The following SEPTIN11 variants were observed in gnomAD, a reference collection of about 807,000 sequenced individuals.
The protein encoded by SEPTIN11 is septin-11.
SEPTIN11 carries 25 observed loss-of-function variants against 51.4 expected under a neutral mutation model. The observed-to-expected ratio is 0.49, with a 90% CI of 0.35 to 0.68. The LOEUF (loss-of-function observed/expected upper bound fraction) is 0.68. SEPTIN11 is among the 30% of genes least tolerant of loss of function. The pLI is 0.00. For synonymous variants in SEPTIN11, 174 were observed against 184.1 expected (o/e 0.95, Z 0.44); for missense variants, 381 against 520.8 (o/e 0.73, Z 2.61).
chr4:77,012,666 G>A (rs1023782247), intron 4 of SEPTIN11, among the ~76,000 whole-genome samples: 7 of 152,210 alleles, frequency 4.6e-5, no homozygotes, highest in African/African-American at 1.7e-4. Context: ...TCTGCTGGGT[G>A]TTGTTACTAT....
At chr4:76,951,795 G>C (rs1721360146) in intron 1 of SEPTIN11, among the ~76,000 whole-genome samples, 3 of 152,166 alleles carry the variant, frequency 2.0e-5, no homozygotes, top group African/African-American at 7.2e-5. Flanking sequence ...TTAAGGTTTA[G>C]TTGTGTGGCC....
At chr4:76,971,724 T>C (rs1722252105) in intron 1 of SEPTIN11, among the ~76,000 whole-genome samples, 1 of 152,136 alleles carries the variant, frequency 6.6e-6, no homozygotes, top group South Asian at 2.1e-4. Flanking sequence ...GCCAAGACTT[T>C]ATGAGCTTCT....
chr4:76,952,240 G>A (rs1430498564), intron 1 of SEPTIN11, among the ~76,000 whole-genome samples: 1 of 152,112 alleles, frequency 6.6e-6, no homozygotes, highest in Non-Finnish European at 1.5e-5. Context: ...GAGTTCTCTG[G>A]CCCTCCCATT....
intron 3 of SEPTIN11, among the ~76,000 whole-genome samples, chr4:77,008,290 G>A (rs890333266): frequency 5.9e-5 from 9 of 152,190 alleles, no homozygotes; most frequent in Admixed American, 5.9e-4. Flanking sequence ...GAGATGGGAG[G>A]TGAGCTGTCC....
Position 77,036,631 on chromosome 4 carries a change from CAA to C in SEPTIN11, c.*2122_*2123del. 1 of 1,468,518 alleles carries C rather than the reference CAA, an allele frequency of 6.8e-7. No individual in the cohort carries two copies. The highest frequency in any genetic ancestry group is 8.9e-7 in the Non-Finnish European group (1 of 1,121,666). 91.0% of individuals were successfully genotyped at this position (1,468,518 alleles called of 1,614,324 possible). A position where few individuals can be genotyped will look rare whatever the true frequency, so the allele number is the denominator to read the frequency against. ...TATGGCGAGTCAGGGAATAAAAAGT[CAA>C]AAGAAACAAATAGAAGCTTTTTTTT... On this transcript the variant is annotated 3_prime_UTR_variant, in exon 10 of 10. Coordinates refer to ENST00000264893, the MANE Select transcript of SEPTIN11 (RefSeq NM_018243.4).
chr4:76,964,053 GT>G (rs1196277907), intron 1 of SEPTIN11, among the ~76,000 whole-genome samples: 1 of 151,816 alleles, frequency 6.6e-6, no homozygotes, highest in Non-Finnish European at 1.5e-5. Flanking sequence ...AACATGTGGT[GT>G]TTGGTTTTTT....
chr4:77,013,160 A>G (rs1012993314), intron 4 of SEPTIN11, among the ~76,000 whole-genome samples: 1 of 152,222 alleles, frequency 6.6e-6, no homozygotes, highest in African/African-American at 2.4e-5. Flanking sequence ...ATAATATCCA[A>G]CACTATTATT....
At chr4:76,960,064 T>A (rs1270401682) in intron 1 of SEPTIN11, among the ~76,000 whole-genome samples, 1 of 152,198 alleles carries the variant, frequency 6.6e-6, no homozygotes, top group African/African-American at 2.4e-5. Context: ...GTTCAAATGA[T>A]CACTGCACTT....
intron 1 of SEPTIN11, among the ~76,000 whole-genome samples, chr4:76,951,282 T>C (rs2242368): frequency 0.21 from 31,732 of 152,150 alleles, 3,641 homozygotes; most frequent in East Asian, 0.46. Context: ...TCAAAGACGT[T>C]TTCTGCAGTC....
In SEPTIN11 at chr4:76,986,781, A is replaced by G. The variant is rs922603386; in HGVS notation, c.28-9644A>G. 1.1e-4 allele frequency among the ~76,000 whole-genome samples: 16 copies of G among 152,316 alleles called. No homozygotes were observed. The East Asian group carries it at 2.9e-3, about 28-fold the overall frequency. ...TATTGTGGGCTTACCTCCTCAAAAAAGATCTTTATTTAGTATTATTGTTAT... is the reference window on the plus strand; with the variant it reads ...TATTGTGGGCTTACCTCCTCAAAAAGGATCTTTATTTAGTATTATTGTTAT... On this transcript the variant is annotated intron_variant, in intron 1 of 9. Transcript: ENST00000264893.
intron 3 of SEPTIN11, among the ~76,000 whole-genome samples, chr4:77,007,915 G>T (rs1724603045): frequency 6.6e-6 from 1 of 152,202 alleles, no homozygotes; most frequent in South Asian, 2.1e-4. Context: ...TAACCATATG[G>T]AAAGGGATGT....
chr4:77,036,189 C>G lies in SEPTIN11; in HGVS notation c.*1677C>G. 1 of 987,220 alleles carries G rather than the reference C, an allele frequency of 1.0e-6. No homozygotes were observed. The highest frequency in any genetic ancestry group is 1.2e-6 in the Non-Finnish European group (1 of 831,152). 61.2% of individuals were successfully genotyped at this position (987,220 alleles called of 1,614,324 possible). A position where few individuals can be genotyped will look rare whatever the true frequency, so the allele number is the denominator to read the frequency against. On this transcript the variant is annotated 3_prime_UTR_variant, in exon 10 of 10. Coordinates refer to ENST00000264893, the MANE Select transcript of SEPTIN11 (RefSeq NM_018243.4). ...TAGTTTCATGGAAGCCTAAACAAAGCTGGAATAGAAACTACACACTAGACA... is the reference window on the plus strand; with the variant it reads ...TAGTTTCATGGAAGCCTAAACAAAGGTGGAATAGAAACTACACACTAGACA...
At position 76,984,238 on chromosome 4, in the gene SEPTIN11, T is replaced by A. The variant is rs951619705; in HGVS notation, c.28-12187T>A. Reference sequence around the variant, plus strand: ...GCCTGGATTAGGAACTGAACATGCCTTGGGAGGAGAAAGCAGCCAGGTTGT... The same window carrying A: ...GCCTGGATTAGGAACTGAACATGCCATGGGAGGAGAAAGCAGCCAGGTTGT... On this transcript the variant is annotated intron_variant, in intron 1 of 9. Transcript: ENST00000264893. This position sits in a 1 kb window ranked among gnomAD's most constrained non-coding sequence, Gnocchi z 4.1. Among the ~76,000 whole-genome samples, 12 of 152,120 alleles carry A rather than the reference T, an allele frequency of 7.9e-5. No homozygotes were observed. The highest frequency in any genetic ancestry group is 7.8e-4 in the Admixed American group (12 of 15,288).
chr4:77,020,733 TC>T, intron 7 of SEPTIN11, 63 bp downstream of exon 7: 1 of 1,478,308 alleles, frequency 6.8e-7, no homozygotes, highest in Non-Finnish European at 9.3e-7. Flanking sequence ...TGGTGGTACA[TC>T]ACAGAAATGC....
intron 1 of SEPTIN11, among the ~76,000 whole-genome samples, chr4:76,958,670 CTT>C (rs971318754): frequency 6.6e-6 from 1 of 152,096 alleles, no homozygotes; most frequent in Admixed American, 6.5e-5. Context: ...AACAAACTGA[CTT>C]TTTACCAGGT....
chr4:76,992,077 A>G (rs1226098788), intron 1 of SEPTIN11, among the ~76,000 whole-genome samples: 3 of 152,240 alleles, frequency 2.0e-5, no homozygotes, highest in Admixed American at 1.3e-4. Context: ...GGCTAAATCA[A>G]TTAAGGTCTT....
At chr4:77,016,629 T>TATACACATATATATATATATATATATAC (rs1327433380) in intron 5 of SEPTIN11, among the ~76,000 whole-genome samples, 1 of 74,060 alleles carries the variant, frequency 1.4e-5, no homozygotes, top group South Asian at 4.1e-4. Context: ...TATATATATA[T>TATACACATATATATATATATATATATAC]ACACATATAT....
chr4:76,958,922 T>C lies in SEPTIN11; in HGVS notation c.27+8992T>C. ...GGCCCCAGAAAATTCACCCACCTTT[T>C]GTCCCTTCTTAAAAAACTGGAATGT... is the stretch of plus-strand genomic sequence containing the variant. On this transcript the variant is annotated intron_variant, in intron 1 of 9. Coordinates refer to ENST00000264893, the MANE Select transcript of SEPTIN11 (RefSeq NM_018243.4). The C allele has an allele frequency of 4.3e-6, 6 of 1,389,998 alleles. No individual in the cohort carries two copies. In the South Asian group the frequency reaches 4.6e-5, roughly 11 times the overall value. The allele number at this position is 1,389,998 out of a possible 1,614,324, so 86.1% of individuals were successfully genotyped here.
rs545267393 is a variant in SEPTIN11, at chr4:77,038,209, G to T, written c.*3697G>T. ...AGTCTAGTTTGTATGTAGGTATGAA[G>T]GGAATTTTTTAAATAAATTGAAAAG... On this transcript the variant is annotated 3_prime_UTR_variant, in exon 10 of 10. Transcript: ENST00000264893. 3.4e-4 allele frequency: 334 copies of T among 985,696 alleles called. No homozygotes were observed. Among genetic ancestry groups the T allele is most frequent in the Non-Finnish European group, 3.9e-4 (324 of 829,796 alleles). 61.1% of individuals were successfully genotyped at this position (985,696 alleles called of 1,614,324 possible). A position where few individuals can be genotyped will look rare whatever the true frequency, so the allele number is the denominator to read the frequency against.
Sources: gnomAD v4.1 joint callset for allele counts (sites outside exome capture counted in the v4.1 genomes callset) on GRCh38, gnomAD v4.1.1 for gene constraint, Gnocchi (gnomAD v3.1) non-coding constraint, MANE v1.5 for transcripts, NCBI Gene and HGNC (gene_info 2026-07-23, HGNC 2026-07-21) for gene names.